Variants in TPRKB observed in about 807,000 individuals in gnomAD.
TPRKB encodes TP53RK binding protein.
In TPRKB, 11 loss-of-function variants were observed where a neutral mutation model predicts 17.8. The ratio of observed to expected loss-of-function variants is 0.62; its 90% CI spans 0.39 to 1.02. The LOEUF is 1.02. TPRKB is among the 50% of genes least tolerant of loss of function. The pLI, the probability that TPRKB is intolerant of heterozygous loss-of-function variation, is 0.00. For missense variants in TPRKB, 228 were observed against 198.0 expected (o/e 1.15, Z -0.91); for synonymous variants, 71 against 69.5 (o/e 1.02, Z -0.11).
chr2:73,729,886 A>G lies in TPRKB; in HGVS notation c.*57T>C. 7.0e-7 allele frequency: 1 copy of G among 1,430,110 alleles called. No homozygotes were observed. The highest frequency in any genetic ancestry group is 9.3e-7 in the Non-Finnish European group (1 of 1,071,904). 88.6% of individuals were successfully genotyped at this position (1,430,110 alleles called of 1,614,324 possible). ...ATGCACAATTAGTTTTATAGTCAGG[A>G]AAGGAAAATCAATGTTTTCTTTAAT... On this transcript the variant is annotated 3_prime_UTR_variant, in exon 5 of 5. Coordinates refer to ENST00000272424, the MANE Select transcript of TPRKB (RefSeq NM_016058.5).
intron 1 of TPRKB, among the ~76,000 whole-genome samples, chr2:73,736,521 T>C (rs1019901514): frequency 6.6e-6 from 1 of 152,232 alleles, no homozygotes; most frequent in Admixed American, 6.5e-5. Flanking sequence ...TTGTTTAGCG[T>C]AATTTACTCA....
intron 1 of TPRKB, among the ~76,000 whole-genome samples, chr2:73,735,247 G>A (rs764071261): frequency 3.9e-5 from 6 of 151,986 alleles, no homozygotes; most frequent in Non-Finnish European, 7.4e-5. Flanking sequence ...CAGAAGAATC[G>A]CTTGAACCTG....
chr2:73,737,201 T>C (rs980626416), intron 1 of TPRKB, 101 bp downstream of exon 1: 3 of 152,262 alleles, frequency 2.0e-5, no homozygotes, highest in Non-Finnish European at 2.9e-5. Flanking sequence ...TCGTTGCCGC[T>C]TGAGAAATAC....
chr2:73,733,383 C>T (rs1225946916), intron 2 of TPRKB, among the ~76,000 whole-genome samples: 8 of 151,342 alleles, frequency 5.3e-5, no homozygotes, highest in Non-Finnish European at 7.4e-5. Context: ...CTCAGCCTCC[C>T]GAGTAGCTGG....
chr2:73,732,020 C>G, intron 3 of TPRKB, 143 bp downstream of exon 3: 1 of 930,346 alleles, frequency 1.1e-6, no homozygotes, highest in South Asian at 1.8e-5. Flanking sequence ...GGTTAAACCT[C>G]AACTCTCTGT....
In TPRKB at chr2:73,730,718, T is replaced by C. The variant is rs748478995; in HGVS notation, c.283A>G (p.Lys95Glu). 1.3e-6 allele frequency: 2 copies of C among 1,526,904 alleles called. No individual in the cohort carries two copies. Among genetic ancestry groups the C allele is most frequent in the East Asian group, 5.0e-5 (2 of 39,616 alleles). The allele number at this position is 1,526,904 out of a possible 1,614,324, so 94.6% of individuals were successfully genotyped here. A position where few individuals can be genotyped will look rare whatever the true frequency, so the allele number is the denominator to read the frequency against. Residue 95 changes from lysine to glutamate, a missense_variant, in exon 4 of 5, where the codon AAA becomes GAA. Transcript: ENST00000272424. Reference sequence around the variant, plus strand: ...GTGTCATTTGCTGAGATACCAAATTTTTTCAAAGCCTCTGAAATCTAAGAG... The same window carrying C: ...GTGTCATTTGCTGAGATACCAAATTCTTTCAAAGCCTCTGAAATCTAAGAG... Reference protein sequence around the residue: ...PNNNISEALKKFGISANDTSI... With the variant: ...PNNNISEALKEFGISANDTSI...
At chr2:73,733,732 C>CT (rs1671740468) in intron 2 of TPRKB, among the ~76,000 whole-genome samples, 1 of 152,022 alleles carries the variant, frequency 6.6e-6, no homozygotes, top group Non-Finnish European at 1.5e-5. Flanking sequence ...AATTTTTTCC[C>CT]TAACCGTGAC....
At position 73,730,986 on chromosome 2, in the gene TPRKB, A is replaced by G. The variant is rs189128060; in HGVS notation, c.265-250T>C. The G allele has an allele frequency of 7.4e-5, 22 of 296,380 alleles. No homozygotes were observed. In the Admixed American group the frequency reaches 1.1e-3, roughly 15 times the overall value. 18.4% of individuals were successfully genotyped at this position (296,380 alleles called of 1,614,324 possible). ...AGCCCAGCCTCTTGGCGCTGCACAA[A>G]AACACCTCCTCCCTCTGGTGCCAAG... On this transcript the variant is annotated intron_variant, in intron 3 of 4. Transcript: ENST00000272424.
intron 2 of TPRKB, among the ~76,000 whole-genome samples, chr2:73,733,910 C>G (rs1457955074): frequency 1.4e-5 from 2 of 147,794 alleles, no homozygotes; most frequent in East Asian, 4.0e-4. Context: ...CTCTGCCTCC[C>G]AGGCTCAAGC....
intron 2 of TPRKB, 117 bp from the exon 3 acceptor site, chr2:73,732,402 C>T (rs1358435502): frequency 5.6e-5 from 66 of 1,182,232 alleles, no homozygotes; most frequent in Non-Finnish European, 6.7e-5. Flanking sequence ...ACAATTCTTA[C>T]GGTCTGTATT....
intron 2 of TPRKB, among the ~76,000 whole-genome samples, chr2:73,733,824 T>C (rs1573148069): frequency 6.7e-6 from 1 of 149,980 alleles, no homozygotes; most frequent in South Asian, 2.1e-4. Context: ...CTTTTTTTTT[T>C]TTTTTTTTTT....
chr2:73,732,230 T>C lies in TPRKB; in HGVS notation c.197A>G (p.Lys66Arg), dbSNP rs1218727965. ...AGTTCTTGTCTTCATTTTTCCCAGT[T>C]TGTAGAGGTGAACTGCTTTGTTTGC... is the stretch of plus-strand genomic sequence containing the variant. ...VAANKAVHLY[K>R]LGKMKTRTLS... The change falls in exon 3 of 5, where the codon AAA becomes AGA. Residue 66 changes from lysine (K) to arginine (R), a missense_variant. Physicochemically the swap from Lys to Arg is conservative, Grantham distance 26 (BLOSUM62 2). Transcript: ENST00000272424. 14 of 1,614,026 alleles carry C rather than the reference T, an allele frequency of 8.7e-6. No homozygotes were observed. Among genetic ancestry groups the C allele is most frequent in the Admixed American group, 1.7e-5 (1 of 59,996 alleles).
At chr2:73,733,925 C>G (rs1175281077) in intron 2 of TPRKB, among the ~76,000 whole-genome samples, 2 of 139,168 alleles carry the variant, frequency 1.4e-5, no homozygotes, top group African/African-American at 2.8e-5. Flanking sequence ...TCAAGCGATT[C>G]TCCTGCCTCA....
chr2:73,734,495 A>AT lies in TPRKB; in HGVS notation c.74dup (p.Asn25LysfsTer26). ...TGGCCTTTCTTCTCAAGTCTCCCGC[A>AT]TTTTTTACATCTTTAAATAACAGAA... On this transcript the variant is annotated frameshift_variant, in exon 2 of 5. Coordinates refer to ENST00000272424, the MANE Select transcript of TPRKB (RefSeq NM_016058.5). LOFTEE classifies it high-confidence loss of function. The AT allele has an allele frequency of 1.2e-6, 2 of 1,614,052 alleles. No individual in the cohort carries two copies. The highest frequency in any genetic ancestry group is 8.5e-7 in the Non-Finnish European group (1 of 1,179,990).
intron 2 of TPRKB, 62 bp from the exon 3 acceptor site, chr2:73,732,347 T>C: frequency 3.9e-6 from 6 of 1,530,168 alleles, no homozygotes; most frequent in Non-Finnish European, 4.4e-6. Context: ...TGAAAACACA[T>C]GGTAACTCAT....
chr2:73,732,002 A>G (rs1671633350), intron 3 of TPRKB, 161 bp downstream of exon 3: 1 of 742,116 alleles, frequency 1.3e-6, no homozygotes, highest in African/African-American at 1.8e-5. Context: ...TGTCTTAGTA[A>G]GAGGCAGGGT....
chr2:73,730,144 A>G, intron 4 of TPRKB, 115 bp from the exon 5 acceptor site: 4 of 1,207,074 alleles, frequency 3.3e-6, no homozygotes, highest in Non-Finnish European at 4.5e-6. Flanking sequence ...GGTTCATGGT[A>G]TAACAAACAA....
chr2:73,732,189 T>C lies in TPRKB; in HGVS notation c.238A>G (p.Ile80Val). Residue 80 changes from isoleucine (I) to valine (V), a missense_variant, in exon 3 of 5, where the codon ATT becomes GTT. Transcript: ENST00000272424. ...TTGTTATTTGGGGAAAGGTTGAAAA[T>C]AATTTCAGTAGATAGAGTTCTTGTC... ...MKTRTLSTEI[I>V]FNLSPNNNIS... The C allele has an allele frequency of 1.2e-6, 2 of 1,613,606 alleles. No homozygotes were observed. Among genetic ancestry groups the C allele is most frequent in the Non-Finnish European group, 1.7e-6 (2 of 1,179,862 alleles).
In TPRKB at chr2:73,734,472, GC is replaced by G. The variant is rs778225880; in HGVS notation, c.97del (p.Ala33ProfsTer10). ...VKNAGDLRRKAMEGTIDGSLI... is the reference protein window; with the variant it reads ...VKNAGDLRRKXMEGTIDGSLI... ...TGATCCATCGATGGTGCCTTCCATG[GC>G]CTTTCTTCTCAAGTCTCCCGCATTT... On this transcript the variant is annotated frameshift_variant, in exon 2 of 5. Transcript: ENST00000272424. LOFTEE classifies it high-confidence loss of function. 1 of 1,613,872 alleles carries G rather than the reference GC, an allele frequency of 6.2e-7. No individual in the cohort carries two copies. The highest frequency in any genetic ancestry group is 1.3e-5 in the African/African-American group (1 of 75,018).
Sources: allele counts gnomAD v4.1 joint callset (sites outside exome capture counted in the v4.1 genomes callset), GRCh38; gene constraint gnomAD v4.1.1; transcripts MANE v1.5; gene names NCBI Gene and HGNC (gene_info 2026-07-23, HGNC 2026-07-21).